DENND5A: variants seen among roughly 807,000 people sequenced by gnomAD.
DENND5A encodes DENN domain containing 5A.
DENND5A carries 64 observed loss-of-function variants against 140.3 expected under a neutral mutation model. That is an observed-to-expected ratio of 0.46 (90% confidence interval 0.37 to 0.56). The LOEUF is 0.56. Ranked by LOEUF, DENND5A falls within the 20% of genes least tolerant of loss-of-function variation. The pLI is 0.00. For missense variants in DENND5A, 1,292 were observed against 1,593.8 expected, an observed-to-expected ratio of 0.81 and a Z score of 3.22; for synonymous variants, 605 against 607.7, an observed-to-expected ratio of 1.00 and a Z score of 0.07.
intron 1 of DENND5A, among the ~76,000 whole-genome samples, chr11:9,241,971 A>G (rs1277621814): frequency 1.6e-4 from 23 of 145,482 alleles, no homozygotes; most frequent in Admixed American, 1.3e-3. Context: ...CAGAGATTGC[A>G]CCATTGCGCT....
chr11:9,143,119 G>A (rs58361373), intron 20 of DENND5A: 9,587 of 586,866 alleles, frequency 0.016, 616 homozygotes, highest in African/African-American at 0.15. Flanking sequence ...ACTATTCAAG[G>A]AGACCCAGGC....
intron 22 of DENND5A, chr11:9,140,073 C>A: frequency 8.3e-7 from 1 of 1,209,872 alleles, no homozygotes; most frequent in Non-Finnish European, 1.2e-6. Context: ...CATGAGCCTC[C>A]AAGCCTCCTC....
chr11:9,251,504 A>T (rs1851718654), intron 1 of DENND5A, among the ~76,000 whole-genome samples: 1 of 152,174 alleles, frequency 6.6e-6, no homozygotes. Flanking sequence ...TTACTTCCTG[A>T]GTCATATCTG....
intron 22 of DENND5A, chr11:9,140,253 G>C: frequency 7.8e-7 from 1 of 1,278,232 alleles, no homozygotes; most frequent in Non-Finnish European, 1.0e-6. Context: ...ATAACCCTGT[G>C]ATATGAGGTA....
At chr11:9,264,850 G>C in intron 1 of DENND5A, 111 bp downstream of exon 1, 1 of 984,402 alleles carries the variant, frequency 1.0e-6, no homozygotes, top group South Asian at 1.5e-5. Context: ...TGGTCCTCCC[G>C]GCCGACACTC....
chr11:9,189,484 T>C (rs1165109604), intron 5 of DENND5A, among the ~76,000 whole-genome samples: 1 of 152,074 alleles, frequency 6.6e-6, no homozygotes, highest in Admixed American at 6.6e-5. Context: ...TTGCACTGTG[T>C]GCCTGGAAAA....
intron 1 of DENND5A, among the ~76,000 whole-genome samples, chr11:9,218,743 C>CG (rs1483754394): frequency 6.6e-6 from 1 of 151,912 alleles, no homozygotes; most frequent in Non-Finnish European, 1.5e-5. Context: ...TGGTGGCTCA[C>CG]GCCTGTAATC....
At chr11:9,198,029 C>T (rs1353363777) in intron 4 of DENND5A, among the ~76,000 whole-genome samples, 1 of 152,158 alleles carries the variant, frequency 6.6e-6, no homozygotes, top group Non-Finnish European at 1.5e-5. Flanking sequence ...CATTTGTTCC[C>T]AAACCTGTGC....
intron 15 of DENND5A, 32 bp downstream of exon 15, chr11:9,150,049 G>A: frequency 2.5e-6 from 4 of 1,589,862 alleles, no homozygotes; most frequent in South Asian, 2.3e-5. Context: ...ATTCCTGGGA[G>A]CCTGCTTCTA....
At chr11:9,169,370 C>T (rs961078357) in intron 10 of DENND5A, among the ~76,000 whole-genome samples, 4 of 152,034 alleles carry the variant, frequency 2.6e-5, no homozygotes, top group African/African-American at 9.7e-5. Flanking sequence ...TGCTTGAACC[C>T]AGGAGATGGA....
chr11:9,143,951 A>G (rs1847332640), intron 19 of DENND5A, 146 bp downstream of exon 19: 3 of 903,594 alleles, frequency 3.3e-6, no homozygotes, highest in East Asian at 2.4e-5. Flanking sequence ...GAAGGGTGCC[A>G]TATGTGTGAG....
Position 9,262,372 on chromosome 11 carries a change from C to T in DENND5A, c.109+2589G>A, listed in dbSNP as rs560014668. ...TCATACAATTTGACACTCAAAAACA[C>T]GCATAAAAAAAAGTTTATTCCACCA... On this transcript the variant is annotated intron_variant, in intron 1 of 22. Transcript: ENST00000328194. Among the ~76,000 whole-genome samples, 38 of 152,222 alleles carry T rather than the reference C, an allele frequency of 2.5e-4. 1 individual carries two copies. The South Asian group carries it at 7.9e-3, about 32-fold the overall frequency.
At chr11:9,256,235 G>A (rs1320574551) in intron 1 of DENND5A, among the ~76,000 whole-genome samples, 1 of 152,110 alleles carries the variant, frequency 6.6e-6, no homozygotes, top group Admixed American at 6.6e-5. Flanking sequence ...GCCAAGGTGG[G>A]TGGATCATGA....
chr11:9,257,634 A>G (rs1007074276), intron 1 of DENND5A, among the ~76,000 whole-genome samples: 1 of 150,952 alleles, frequency 6.6e-6, no homozygotes, highest in African/African-American at 2.4e-5. Context: ...GGTGCCCGCC[A>G]TCGCACCCGG....
intron 1 of DENND5A, among the ~76,000 whole-genome samples, chr11:9,238,264 A>G (rs543686667): frequency 7.7e-4 from 117 of 152,286 alleles, no homozygotes; most frequent in Non-Finnish European, 1.3e-3. Flanking sequence ...TACATTACAC[A>G]TTATCACTCT....
At chr11:9,205,595 TA>T (rs1849667478) in intron 3 of DENND5A, among the ~76,000 whole-genome samples, 1 of 152,102 alleles carries the variant, frequency 6.6e-6, no homozygotes, top group Admixed American at 6.5e-5. Flanking sequence ...AGAATGCTAT[TA>T]AAAATGTAAT....
intron 1 of DENND5A, among the ~76,000 whole-genome samples, chr11:9,240,668 C>T (rs1851198280): frequency 1.3e-5 from 2 of 151,732 alleles, no homozygotes; most frequent in Non-Finnish European, 2.9e-5. Flanking sequence ...TGAGATGGTG[C>T]CACCGTACTC....
At chr11:9,157,230 C>A (rs931466579) in intron 12 of DENND5A, among the ~76,000 whole-genome samples, 1 of 152,186 alleles carries the variant, frequency 6.6e-6, no homozygotes, top group Non-Finnish European at 1.5e-5. Context: ...CCATACAGAA[C>A]CCAGCATAAT....
intron 1 of DENND5A, among the ~76,000 whole-genome samples, chr11:9,215,945 C>T (rs1850078292): frequency 6.6e-6 from 1 of 152,176 alleles, no homozygotes; most frequent in African/African-American, 2.4e-5. Flanking sequence ...TACACATGCA[C>T]CTTTCTCTAA....
Sources: gnomAD v4.1 joint callset for allele counts (sites outside exome capture counted in the v4.1 genomes callset) on GRCh38, gnomAD v4.1.1 for gene constraint, MANE v1.5 for transcripts, NCBI Gene and HGNC (gene_info 2026-07-23, HGNC 2026-07-21) for gene names.